Variants in CCDC85C observed in about 807,000 individuals in gnomAD.
CCDC85C encodes the protein coiled-coil domain-containing protein 85C.
Under a neutral mutation model 38.3 loss-of-function variants are expected in CCDC85C, and 18 were observed. The ratio of observed to expected loss-of-function variants is 0.47; its 90% CI spans 0.33 to 0.70. The LOEUF (loss-of-function observed/expected upper bound fraction) is 0.70, where lower values mean the gene tolerates loss of function less well. Ranked by LOEUF, CCDC85C falls within the 30% of genes least tolerant of loss-of-function variation. CCDC85C has a pLI of 0.03. For missense variants in CCDC85C, 566 were observed against 621.2 expected (o/e 0.91, Z 0.94); for synonymous variants, 264 against 293.8 (o/e 0.90, Z 1.04).
At chr14:99,593,586 C>T (rs940175988) in intron 1 of CCDC85C, among the ~76,000 whole-genome samples, 17 of 152,248 alleles carry the variant, frequency 1.1e-4, no homozygotes, top group Non-Finnish European at 2.5e-4. Context: ...ATCTCTCCGG[C>T]GTCTGTGCAG....
chr14:99,590,370 G>A lies in CCDC85C; in HGVS notation c.793+12797C>T, dbSNP rs74858727. Among the ~76,000 whole-genome samples, 1,155 of 152,316 alleles carry A rather than the reference G, an allele frequency of 7.6e-3. 20 individuals are homozygous for A. Among genetic ancestry groups the A allele is most frequent in the African/African-American group, 0.027 (1,102 of 41,570 alleles). On this transcript the variant is annotated intron_variant, in intron 1 of 5. Coordinates refer to ENST00000380243, the MANE Select transcript of CCDC85C (RefSeq NM_001144995.2). Reference sequence around the variant, plus strand: ...CAGGGCAGAGCTGGAGCAGGCAGAGGCATTGGTGGCAGGCTCACCAGAAAC... The same window carrying A: ...CAGGGCAGAGCTGGAGCAGGCAGAGACATTGGTGGCAGGCTCACCAGAAAC...
intron 1 of CCDC85C, among the ~76,000 whole-genome samples, chr14:99,541,507 A>G (rs560400420): frequency 1.3e-5 from 2 of 152,314 alleles, no homozygotes; most frequent in African/African-American, 4.8e-5. Flanking sequence ...TGTGGGTGGC[A>G]ACCCCAGGAA....
chr14:99,529,621 C>A (rs1897453992), intron 2 of CCDC85C, among the ~76,000 whole-genome samples: 2 of 152,200 alleles, frequency 1.3e-5, no homozygotes, highest in African/African-American at 4.8e-5. Flanking sequence ...CCAGGCTGGT[C>A]TTGAACTTCT....
At chr14:99,580,253 GT>G (rs2054952178) in intron 1 of CCDC85C, 1 of 399,206 alleles carries the variant, frequency 2.5e-6, no homozygotes. Context: ...TGCACAGTGG[GT>G]GACAGACCAG....
At chr14:99,590,592 T>C (rs562835743) in intron 1 of CCDC85C, among the ~76,000 whole-genome samples, 7 of 152,182 alleles carry the variant, frequency 4.6e-5, no homozygotes, top group African/African-American at 1.7e-4. Context: ...CCTTTCTTCC[T>C]GGTGGTCTAG....
At position 99,502,819 on chromosome 14, in the gene CCDC85C, A is replaced by G. The variant is rs1336586522; in HGVS notation, c.*12427T>C. On this transcript the variant is annotated 3_prime_UTR_variant, in exon 6 of 6. Coordinates refer to ENST00000380243, the MANE Select transcript of CCDC85C (RefSeq NM_001144995.2). ...AACAGCCCCCATCTCTTCAGCCTACACCACAAGTGCCGCAAGTACAGCAGT... is the reference window on the plus strand; with the variant it reads ...AACAGCCCCCATCTCTTCAGCCTACGCCACAAGTGCCGCAAGTACAGCAGT... The G allele has an allele frequency of 1.2e-6, 2 of 1,613,590 alleles. No individual in the cohort carries two copies. The highest frequency in any genetic ancestry group is 2.2e-5 in the South Asian group (2 of 91,034).
In CCDC85C at chr14:99,500,554, C is replaced by T; in HGVS notation, c.*14692G>A. 1 of 505,966 alleles carries T rather than the reference C, an allele frequency of 2.0e-6. No homozygotes were observed. The highest frequency in any genetic ancestry group is 3.5e-6 in the Non-Finnish European group (1 of 287,966). The allele number at this position is 505,966 out of a possible 1,614,324, so 31.3% of individuals were successfully genotyped here. A position where few individuals can be genotyped will look rare whatever the true frequency, so the allele number is the denominator to read the frequency against. ...GTTTTCAGTATTTTTTTTTACATTA[C>T]ACCTCTGCTTTGTCTTCCTGTTTGA... On this transcript the variant is annotated 3_prime_UTR_variant, in exon 6 of 6. Coordinates refer to ENST00000380243, the MANE Select transcript of CCDC85C (RefSeq NM_001144995.2).
rs1195744883 is a variant in CCDC85C at position 99,516,132 on chromosome 14, G to A, written c.1170+56C>T. The A allele has an allele frequency of 7.6e-6, 10 of 1,310,782 alleles. No individual in the cohort carries two copies. Among genetic ancestry groups the A allele is most frequent in the Non-Finnish European group, 9.7e-6 (9 of 929,402 alleles). The allele number at this position is 1,310,782 out of a possible 1,614,324, so 81.2% of individuals were successfully genotyped here. Reference sequence around the variant, plus strand: ...GGGGAAGGGTATGGCCATGCTGGGTGGCCCTGGTCGCACTCCCAGTGCCAA... The same window carrying A: ...GGGGAAGGGTATGGCCATGCTGGGTAGCCCTGGTCGCACTCCCAGTGCCAA... On this transcript the variant is annotated intron_variant, in intron 5 of 5. Coordinates refer to ENST00000380243, the MANE Select transcript of CCDC85C (RefSeq NM_001144995.2). The surrounding 1 kb of genome is among the most constrained non-coding windows in gnomAD (Gnocchi z 5.5).
chr14:99,543,629 G>C (rs1264843720), intron 1 of CCDC85C, among the ~76,000 whole-genome samples: 6 of 152,174 alleles, frequency 3.9e-5, no homozygotes, highest in African/African-American at 1.4e-4. Context: ...GAAGACGAAA[G>C]GCACATAGGA....
At chr14:99,596,989 C>A (rs1252181345) in intron 1 of CCDC85C, among the ~76,000 whole-genome samples, 2 of 152,174 alleles carry the variant, frequency 1.3e-5, no homozygotes, top group Non-Finnish European at 2.9e-5. Flanking sequence ...GGACAGAGGT[C>A]ATGAGAAGGC....
intron 1 of CCDC85C, among the ~76,000 whole-genome samples, chr14:99,554,825 C>T (rs747365031): frequency 1.3e-5 from 2 of 152,238 alleles, no homozygotes; most frequent in Non-Finnish European, 2.9e-5. Flanking sequence ...GGTCCTACCA[C>T]CTCCTTGCTG....
chr14:99,522,203 C>A lies in CCDC85C; in HGVS notation c.905G>T (p.Gly302Val). The change falls in exon 3 of 6, where the codon GGC (glycine) becomes GTC (valine). Residue 302 changes from glycine to valine, a missense_variant. Around this residue, in one of 3 missense-constraint regions of CCDC85C, gnomAD observed 286 missense variants for 276.4 expected, o/e 1.03. Transcript: ENST00000380243. ...GGACTCCGAGTGGTAGGGCGAGAAG[C>A]CTTTCCGCAGCGTGCGGAACTCTCC... Reference protein sequence around the residue: ...GSGEFRTLRKGFSPYHSESQL... With the variant: ...GSGEFRTLRKVFSPYHSESQL... 1.3e-6 allele frequency: 2 copies of A among 1,550,610 alleles called. No individual in the cohort carries two copies. The highest frequency in any genetic ancestry group is 8.7e-7 in the Non-Finnish European group (1 of 1,146,904).
chr14:99,597,690 GC>G (rs2055157761), intron 1 of CCDC85C, among the ~76,000 whole-genome samples: 1 of 152,116 alleles, frequency 6.6e-6, no homozygotes, highest in South Asian at 2.1e-4. Context: ...CACCTTGCAG[GC>G]CCCGGATTCT....
intron 1 of CCDC85C, among the ~76,000 whole-genome samples, chr14:99,573,511 G>C (rs1898403490): frequency 6.6e-6 from 1 of 152,200 alleles, no homozygotes; most frequent in South Asian, 2.1e-4. Flanking sequence ...CCCACCCTGG[G>C]CCTCAGTCTC....
chr14:99,580,655 A>G (rs1226918793), intron 1 of CCDC85C, among the ~76,000 whole-genome samples: 1 of 152,112 alleles, frequency 6.6e-6, no homozygotes, highest in Non-Finnish European at 1.5e-5. Context: ...ATTTGACGTC[A>G]GGAGTTCAAG....
At chr14:99,538,533 T>C (rs1897650658) in intron 1 of CCDC85C, among the ~76,000 whole-genome samples, 1 of 152,214 alleles carries the variant, frequency 6.6e-6, no homozygotes, top group South Asian at 2.1e-4. Context: ...GGGCACTAAC[T>C]TGTTCTCTGC....
At chr14:99,554,276 A>G (rs1286453843) in intron 1 of CCDC85C, among the ~76,000 whole-genome samples, 1 of 151,876 alleles carries the variant, frequency 6.6e-6, no homozygotes, top group Admixed American at 6.6e-5. Context: ...CCCAGCACAC[A>G]AGCCCCACCA....
chr14:99,520,400 ACCCCCACTCCTGGGG>A lies in CCDC85C; in HGVS notation c.975+1718_975+1732del, dbSNP rs1897285833. ...TCCCACGAGATACCTTGACCCCTCA[ACCCCCACTCCTGGGG>A]GCCTGCCCGCCGACCAGCCCCGATC... On this transcript the variant is annotated intron_variant, in intron 3 of 5. Transcript: ENST00000380243. This position sits in a 1 kb window ranked among gnomAD's most constrained non-coding sequence, Gnocchi z 4.1. Among the ~76,000 whole-genome samples the A allele has an allele frequency of 1.4e-5, 2 of 147,896 alleles. No homozygotes were observed. The highest frequency in any genetic ancestry group is 5.0e-5 in the African/African-American group (2 of 39,706).
Position 99,510,506 on chromosome 14 carries a change from T to G in CCDC85C, c.*4740A>C. 2 of 461,474 alleles carry G rather than the reference T, an allele frequency of 4.3e-6. No homozygotes were observed. Among genetic ancestry groups the G allele is most frequent in the Non-Finnish European group, 3.2e-6 (1 of 313,108 alleles). 28.6% of individuals were successfully genotyped at this position (461,474 alleles called of 1,614,324 possible). A position where few individuals can be genotyped will look rare whatever the true frequency, so the allele number is the denominator to read the frequency against. On this transcript the variant is annotated 3_prime_UTR_variant, in exon 6 of 6. Coordinates refer to ENST00000380243, the MANE Select transcript of CCDC85C (RefSeq NM_001144995.2). The stretch of plus-strand genomic sequence containing the variant: ...ACCCGCCCCCGCCACCTGTGCCTCC[T>G]CCCCCAGCCTCCTTCCCCCCACCTG...
Sources: gnomAD v4.1 joint callset for allele counts (sites outside exome capture counted in the v4.1 genomes callset) on GRCh38, gnomAD v4.1.1 for gene constraint, gnomAD v4.1.1 regional missense constraint, Gnocchi (gnomAD v3.1) non-coding constraint, MANE v1.5 for transcripts, NCBI Gene and HGNC (gene_info 2026-07-23, HGNC 2026-07-21) for gene names.